FBXL17: variants seen among roughly 807,000 people sequenced by gnomAD.
The protein encoded by FBXL17 is F-box/LRR-repeat protein 17.
A neutral mutation model predicts 66.2 loss-of-function variants in FBXL17; 22 were observed. The observed-to-expected ratio is 0.33, with a 90% confidence interval of 0.24 to 0.47. The LOEUF is 0.47. Among genes scored for constraint, FBXL17 ranks in the 20% least tolerant of loss-of-function variants. The probability of loss-of-function intolerance (pLI) is 1.00; values close to 1 mark genes in which losing one functional copy is unlikely to be tolerated. For synonymous variants in FBXL17, 474 were observed against 400.5 expected, an observed-to-expected ratio of 1.18 and a Z score of -2.19; for missense variants, 878 against 948.2, an observed-to-expected ratio of 0.93 and a Z score of 0.97.
intron 6 of FBXL17, among the ~76,000 whole-genome samples, chr5:108,050,126 C>T (rs988026439): frequency 3.9e-5 from 6 of 152,202 alleles, no homozygotes; most frequent in Non-Finnish European, 7.3e-5. Flanking sequence ...TAGACTCCCA[C>T]ACAATAATAA....
chr5:108,123,744 A>C (rs145391360), intron 6 of FBXL17, among the ~76,000 whole-genome samples: 549 of 152,256 alleles, frequency 3.6e-3, no homozygotes, highest in South Asian at 0.01. Context: ...AGCACACACA[A>C]AAAAAATCAC....
At chr5:108,306,424 T>A (rs1580784442) in intron 4 of FBXL17, among the ~76,000 whole-genome samples, 2 of 152,134 alleles carry the variant, frequency 1.3e-5, no homozygotes, top group African/African-American at 2.4e-5. Context: ...TGAATTTTGA[T>A]GCCATACTAC....
intron 4 of FBXL17, among the ~76,000 whole-genome samples, chr5:108,286,995 T>C (rs1757924630): frequency 6.6e-6 from 1 of 151,884 alleles, no homozygotes; most frequent in African/African-American, 2.4e-5. Flanking sequence ...AACAATCTAA[T>C]CTTCAACAAA....
At chr5:108,097,942 C>A (rs1302827753) in intron 6 of FBXL17, among the ~76,000 whole-genome samples, 1 of 151,930 alleles carries the variant, frequency 6.6e-6, no homozygotes, top group Non-Finnish European at 1.5e-5. Flanking sequence ...TATTGTCTAA[C>A]AGGTTTTATA....
chr5:108,172,472 C>T (rs1752643769), intron 6 of FBXL17, among the ~76,000 whole-genome samples: 1 of 152,156 alleles, frequency 6.6e-6, no homozygotes, highest in African/African-American at 2.4e-5. Flanking sequence ...GAAATTGTGT[C>T]TATACTTTGA....
intron 7 of FBXL17, among the ~76,000 whole-genome samples, chr5:107,966,843 G>A (rs974167153): frequency 1.3e-5 from 2 of 151,938 alleles, no homozygotes; most frequent in South Asian, 2.1e-4. Flanking sequence ...CTGTTTTGCA[G>A]GTTGTGTTTT....
Position 107,887,146 on chromosome 5 carries a change from G to A in FBXL17, c.1823-5967C>T, listed in dbSNP as rs139286181. On this transcript the variant is annotated intron_variant, in intron 7 of 8. Coordinates refer to ENST00000542267, the MANE Select transcript of FBXL17 (RefSeq NM_001163315.3). ...GAGGTTGTTAAAGTTAGAGGTAGCT[G>A]GGTGAAGAGCATACGTGAACTCTAC... Among the ~76,000 whole-genome samples the A allele has an allele frequency of 1.1e-4, 16 of 152,300 alleles. No homozygotes were observed. In the East Asian group the frequency reaches 3.1e-3, roughly 29 times the overall value.
At chr5:108,145,824 T>TAAC (rs1751532476) in intron 6 of FBXL17, among the ~76,000 whole-genome samples, 1 of 107,338 alleles carries the variant, frequency 9.3e-6, no homozygotes, top group Admixed American at 8.6e-5. Flanking sequence ...GCCTAAACAA[T>TAAC]AATAATAATA....
chr5:108,332,735 G>C (rs1255308065), intron 4 of FBXL17, among the ~76,000 whole-genome samples: 1 of 151,940 alleles, frequency 6.6e-6, no homozygotes, highest in Admixed American at 6.6e-5. Flanking sequence ...AGCCTCCCAA[G>C]TAGCTGGGAT....
chr5:108,259,346 T>C (rs1322400219), intron 4 of FBXL17, among the ~76,000 whole-genome samples: 1 of 152,234 alleles, frequency 6.6e-6, no homozygotes, highest in Non-Finnish European at 1.5e-5. Flanking sequence ...CATTTTATTA[T>C]GAAAACTGAA....
At chr5:107,868,358 A>G (rs182584620) in intron 8 of FBXL17, among the ~76,000 whole-genome samples, 32 of 152,358 alleles carry the variant, frequency 2.1e-4, no homozygotes, top group African/African-American at 7.5e-4. Context: ...AGTCCTTGAT[A>G]ATGTTTTCAA....
At chr5:108,344,937 CA>C (rs928387900) in intron 4 of FBXL17, among the ~76,000 whole-genome samples, 8 of 152,216 alleles carry the variant, frequency 5.3e-5, no homozygotes, top group Admixed American at 6.5e-5. Context: ...ATAGTCGACA[CA>C]AGAGTTTTAC....
At chr5:107,876,948 T>C (rs996839255) in intron 8 of FBXL17, among the ~76,000 whole-genome samples, 2 of 152,194 alleles carry the variant, frequency 1.3e-5, no homozygotes, top group Admixed American at 6.5e-5. Context: ...ACCAGATAAA[T>C]GTGAGTTAAG....
At chr5:108,262,066 A>ATTTTTT (rs1164308201) in intron 4 of FBXL17, among the ~76,000 whole-genome samples, 5 of 134,056 alleles carry the variant, frequency 3.7e-5, no homozygotes, top group African/African-American at 1.5e-4. Flanking sequence ...TTATTTATTT[A>ATTTTTT]TTTATTTATT....
chr5:108,314,250 GA>G (rs985216875), intron 4 of FBXL17, among the ~76,000 whole-genome samples: 2 of 151,230 alleles, frequency 1.3e-5, no homozygotes, highest in East Asian at 1.9e-4. Flanking sequence ...TGTGATAAAA[GA>G]AAAAAAGGCA....
intron 6 of FBXL17, among the ~76,000 whole-genome samples, chr5:108,028,144 G>C (rs2112779207): frequency 6.6e-6 from 1 of 152,194 alleles, no homozygotes; most frequent in Admixed American, 6.5e-5. Context: ...CTACAATCTA[G>C]GTTAATGAAT....
At chr5:108,087,983 T>C (rs1450327911) in intron 6 of FBXL17, among the ~76,000 whole-genome samples, 2 of 152,228 alleles carry the variant, frequency 1.3e-5, no homozygotes, top group African/African-American at 4.8e-5. Context: ...AAGAACCTTT[T>C]TCTTATTATT....
At chr5:107,991,611 TG>T (rs1337041471) in intron 7 of FBXL17, among the ~76,000 whole-genome samples, 1 of 152,242 alleles carries the variant, frequency 6.6e-6, no homozygotes. Context: ...ACTGTGTTCT[TG>T]CCCAGGCAGG....
intron 6 of FBXL17, among the ~76,000 whole-genome samples, chr5:108,153,132 A>G (rs1212107223): frequency 6.6e-6 from 1 of 152,134 alleles, no homozygotes; most frequent in African/African-American, 2.4e-5. Flanking sequence ...AGGCCTCCCC[A>G]GCCATGTGGA....
Sources: allele counts gnomAD v4.1 joint callset (sites outside exome capture counted in the v4.1 genomes callset), GRCh38; gene constraint gnomAD v4.1.1; transcripts MANE v1.5; gene names NCBI Gene and HGNC (gene_info 2026-07-23, HGNC 2026-07-21).